Variants in DIAPH3 observed in about 807,000 individuals in gnomAD.
DIAPH3 encodes the protein diaphanous related formin 3.
In DIAPH3, 117 loss-of-function variants were observed where a neutral mutation model predicts 144.3. That is an observed-to-expected ratio of 0.81 (90% CI 0.70 to 0.95). DIAPH3 has a LOEUF of 0.95. Among genes scored for constraint, DIAPH3 ranks in the 40% least tolerant of loss-of-function variants. The pLI is 0.00. For synonymous variants in DIAPH3, 519 were observed against 488.9 expected (o/e 1.06, Z -0.81); for missense variants, 1,421 against 1,412.7 (o/e 1.01, Z -0.09).
At chr13:60,025,035 T>C (rs1336410103) in intron 5 of DIAPH3, among the ~76,000 whole-genome samples, 3 of 152,166 alleles carry the variant, frequency 2.0e-5, no homozygotes, top group South Asian at 2.1e-4. Context: ...GCCTCATTAA[T>C]GCCATCTGTG....
intron 27 of DIAPH3, among the ~76,000 whole-genome samples, chr13:59,730,638 T>A (rs368711052): frequency 6.6e-6 from 1 of 152,168 alleles, no homozygotes; most frequent in African/African-American, 2.4e-5. Context: ...AAAAGTATAG[T>A]AGTAGTTGAG....
intron 27 of DIAPH3, among the ~76,000 whole-genome samples, chr13:59,683,255 A>G (rs369895978): frequency 7.9e-5 from 12 of 152,138 alleles, no homozygotes; most frequent in African/African-American, 2.9e-4. Context: ...GATTGTGTTG[A>G]GTAGTCAGTC....
chr13:59,682,594 G>A (rs1305027135), intron 27 of DIAPH3, among the ~76,000 whole-genome samples: 3 of 152,162 alleles, frequency 2.0e-5, no homozygotes, highest in African/African-American at 7.2e-5. Flanking sequence ...TTCTTAAAAT[G>A]CCTTTAAATT....
At chr13:59,846,924 A>G (rs900025820) in intron 22 of DIAPH3, among the ~76,000 whole-genome samples, 13 of 152,088 alleles carry the variant, frequency 8.5e-5, no homozygotes, top group Non-Finnish European at 1.5e-4. Context: ...AATTTTTTTA[A>G]AAAGATTAGC....
chr13:59,797,867 G>A (rs2039695070), intron 25 of DIAPH3, among the ~76,000 whole-genome samples: 1 of 152,260 alleles, frequency 6.6e-6, no homozygotes, highest in South Asian at 2.1e-4. Context: ...AACTTGCAAA[G>A]TTGTCTTTAT....
At chr13:59,709,098 G>A (rs1442264907) in intron 27 of DIAPH3, among the ~76,000 whole-genome samples, 1 of 152,092 alleles carries the variant, frequency 6.6e-6, no homozygotes, top group African/African-American at 2.4e-5. Context: ...AATCATACCT[G>A]AGAAAAAGTT....
At chr13:59,876,963 T>C (rs1050961183) in intron 21 of DIAPH3, among the ~76,000 whole-genome samples, 1 of 152,034 alleles carries the variant, frequency 6.6e-6, no homozygotes, top group Non-Finnish European at 1.5e-5. Context: ...CCAGCACACC[T>C]TGACAACTCC....
chr13:60,049,875 A>G (rs150632669), intron 4 of DIAPH3, among the ~76,000 whole-genome samples: 74 of 152,288 alleles, frequency 4.9e-4, no homozygotes, highest in African/African-American at 1.7e-3. Context: ...AGAGAAAATA[A>G]TATCTTTTGT....
At chr13:59,833,922 C>CAAAGA (rs1555310635) in intron 23 of DIAPH3, among the ~76,000 whole-genome samples, 1 of 10,430 alleles carries the variant, frequency 9.6e-5, no homozygotes, top group African/African-American at 1.1e-4. Context: ...GTTCTAAAAG[C>CAAAGA]AAACAAAATT....
chr13:59,811,771 T>C (rs1053921466), intron 24 of DIAPH3, among the ~76,000 whole-genome samples: 4 of 151,240 alleles, frequency 2.6e-5, no homozygotes, highest in Admixed American at 2.6e-4. Flanking sequence ...ATGTTTGTCA[T>C]TTCAAAGCCA....
At chr13:60,055,973 T>C (rs1272784523) in intron 4 of DIAPH3, among the ~76,000 whole-genome samples, 1 of 151,708 alleles carries the variant, frequency 6.6e-6, no homozygotes, top group East Asian at 1.9e-4. Context: ...TTTGGAAATA[T>C]GTTAATGTTT....
intron 22 of DIAPH3, among the ~76,000 whole-genome samples, chr13:59,852,514 T>C (rs537677118): frequency 3.9e-5 from 6 of 152,210 alleles, no homozygotes; most frequent in Admixed American, 2.0e-4. Flanking sequence ...AGAAATCTTA[T>C]GTCAAAGTTC....
At chr13:60,095,495 T>A (rs2058080799) in intron 3 of DIAPH3, among the ~76,000 whole-genome samples, 3 of 152,164 alleles carry the variant, frequency 2.0e-5, no homozygotes, top group African/African-American at 7.2e-5. Context: ...TGGTAACTTC[T>A]GGGCCATTGC....
intron 27 of DIAPH3, among the ~76,000 whole-genome samples, chr13:59,670,361 C>T (rs1331951964): frequency 1.3e-5 from 2 of 152,186 alleles, no homozygotes; most frequent in Admixed American, 6.5e-5. Flanking sequence ...AACAACTCTT[C>T]ATTCCCAGCC....
At chr13:59,968,381 A>T (rs1214101850) in intron 17 of DIAPH3, among the ~76,000 whole-genome samples, 1 of 152,200 alleles carries the variant, frequency 6.6e-6, no homozygotes, top group African/African-American at 2.4e-5. Context: ...AGATTATGAA[A>T]TCTGAAATTC....
At chr13:60,150,789 C>G (rs1033199310) in intron 1 of DIAPH3, among the ~76,000 whole-genome samples, 5 of 152,002 alleles carry the variant, frequency 3.3e-5, no homozygotes, top group Non-Finnish European at 7.4e-5. Flanking sequence ...AACAAGGAGG[C>G]CAAAGGTTCT....
At chr13:59,737,339 T>C (rs549298254) in intron 27 of DIAPH3, among the ~76,000 whole-genome samples, 5 of 152,274 alleles carry the variant, frequency 3.3e-5, no homozygotes, top group Admixed American at 2.0e-4. Context: ...GGGCAAAGGA[T>C]ATGAACAGTT....
At chr13:59,739,719 T>C (rs2036349421) in intron 27 of DIAPH3, among the ~76,000 whole-genome samples, 1 of 152,114 alleles carries the variant, frequency 6.6e-6, no homozygotes, top group Non-Finnish European at 1.5e-5. Flanking sequence ...CTTATCCCAA[T>C]GTACATCCTC....
At chr13:60,015,088 T>A (rs2053550311) in intron 7 of DIAPH3, among the ~76,000 whole-genome samples, 1 of 152,106 alleles carries the variant, frequency 6.6e-6, no homozygotes, top group Non-Finnish European at 1.5e-5. Flanking sequence ...CTCAAACTCC[T>A]GGGCTCAAGC....
Sources: allele counts gnomAD v4.1 joint callset (sites outside exome capture counted in the v4.1 genomes callset), GRCh38; gene constraint gnomAD v4.1.1; transcripts MANE v1.5; gene names NCBI Gene and HGNC (gene_info 2026-07-23, HGNC 2026-07-21).